The following ACTR3C variants were observed in gnomAD, a reference collection of about 807,000 sequenced individuals.
The protein encoded by ACTR3C is actin-related protein 3C.
A neutral mutation model predicts 26.3 loss-of-function variants in ACTR3C; 18 were observed. The ratio of observed to expected loss-of-function variants is 0.68; its 90% CI spans 0.47 to 1.01. The LOEUF is 1.01. Ranked by LOEUF, ACTR3C falls within the 50% of genes least tolerant of loss-of-function variation. The pLI, the probability that ACTR3C is intolerant of heterozygous loss-of-function variation, is 0.00. For missense variants in ACTR3C, 184 were observed against 250.7 expected (o/e 0.73, Z 1.80); for synonymous variants, 55 against 94.5 (o/e 0.58, Z 2.42).
At position 150,321,696 on chromosome 7, in the gene ACTR3C, C is replaced by T. The variant is rs180691462; in HGVS notation, c.-52+1773G>A. On this transcript the variant is annotated intron_variant, in intron 1 of 7. Transcript: ENST00000683684. ...TGGAGGTTGCAGTGAGCTGAGATCA[C>T]ACCACTGCACTCCAGCCTGGGCAAG... Among the ~76,000 whole-genome samples, 757 of 152,242 alleles carry T rather than the reference C, an allele frequency of 5.0e-3. 18 individuals carry two copies. Among genetic ancestry groups the T allele is most frequent in the Admixed American group, 0.046 (700 of 15,296 alleles).
the ACTR3C span, among the ~76,000 whole-genome samples, chr7:150,219,466 C>T: frequency 1.4e-5 from 2 of 144,686 alleles, no homozygotes; most frequent in East Asian, 3.9e-4. Context: ...CCTATGTAAC[C>T]CGGGTAAGGA....
the ACTR3C span, among the ~76,000 whole-genome samples, chr7:150,018,182 A>T: frequency 6.7e-6 from 1 of 150,110 alleles, no homozygotes; most frequent in Non-Finnish European, 1.5e-5. Context: ...ATCTCAGCTC[A>T]CTGTGGGCAT....
the ACTR3C span, among the ~76,000 whole-genome samples, chr7:150,041,206 C>G: frequency 4.7e-5 from 7 of 150,228 alleles, no homozygotes; most frequent in Non-Finnish European, 1.0e-4. Context: ...TCCGGGTCCC[C>G]GACCCCTTTG....
chr7:150,173,700 C>A, the ACTR3C span, among the ~76,000 whole-genome samples: 2 of 124,342 alleles, frequency 1.6e-5, no homozygotes, highest in Non-Finnish European at 3.2e-5. Flanking sequence ...TGCAAATTTT[C>A]TGAACTTTTA....
At chr7:150,257,177 A>G (rs1012065862) in intron 6 of ACTR3C, among the ~76,000 whole-genome samples, 5 of 152,358 alleles carry the variant, frequency 3.3e-5, no homozygotes, top group African/African-American at 1.2e-4. Flanking sequence ...AAATTATAGC[A>G]TTAAAAAAAG....
the ACTR3C span, among the ~76,000 whole-genome samples, chr7:150,071,054 A>G: frequency 1.3e-5 from 2 of 150,540 alleles, no homozygotes; most frequent in South Asian, 4.2e-4. Flanking sequence ...TCAGCCTCCC[A>G]AAGTGCTGGG....
intron 5 of ACTR3C, among the ~76,000 whole-genome samples, chr7:150,286,013 C>G (rs1201514567): frequency 6.6e-6 from 1 of 152,164 alleles, no homozygotes; most frequent in Non-Finnish European, 1.5e-5. Flanking sequence ...TTATCCCACT[C>G]TTATGCACAG....
chr7:150,199,688 T>TAAAA, the ACTR3C span, among the ~76,000 whole-genome samples: 3 of 36,338 alleles, frequency 8.3e-5, no homozygotes, highest in African/African-American at 8.4e-5. Context: ...ACAAGAAAAG[T>TAAAA]AAAAAAAAAA....
chr7:150,255,389 G>A (rs1052975486), intron 6 of ACTR3C, among the ~76,000 whole-genome samples: 2 of 151,912 alleles, frequency 1.3e-5, no homozygotes, highest in Non-Finnish European at 2.9e-5. Flanking sequence ...TGACTTGAAC[G>A]CTAGTAGGCT....
chr7:149,940,487 C>G, the ACTR3C span, among the ~76,000 whole-genome samples: 4 of 151,706 alleles, frequency 2.6e-5, no homozygotes, highest in African/African-American at 9.7e-5. Flanking sequence ...TGGCAACAGT[C>G]TAAAAGAGAT....
chr7:150,320,352 G>C (rs1396397294), intron 1 of ACTR3C, among the ~76,000 whole-genome samples: 4 of 152,232 alleles, frequency 2.6e-5, no homozygotes, highest in Admixed American at 2.6e-4. Flanking sequence ...TATTACAAAG[G>C]CTTGTGATCG....
chr7:149,989,938 A>G, the ACTR3C span, among the ~76,000 whole-genome samples: 2 of 151,850 alleles, frequency 1.3e-5, no homozygotes, highest in Admixed American at 6.6e-5. Context: ...CCTCGCCAAC[A>G]CTTGTTATGG....
At chr7:149,924,144 G>T in the ACTR3C span, among the ~76,000 whole-genome samples, 18 of 151,208 alleles carry the variant, frequency 1.2e-4, no homozygotes, top group African/African-American at 4.4e-4. Context: ...GAGGGGCCAA[G>T]GTGGGTGGCT....
the ACTR3C span, among the ~76,000 whole-genome samples, chr7:150,063,468 G>T: frequency 1.9e-4 from 29 of 151,338 alleles, 1 homozygote; most frequent in Non-Finnish European, 3.2e-4. Flanking sequence ...GCCTCCCAGG[G>T]TCAAAGCTGG....
the ACTR3C span, among the ~76,000 whole-genome samples, chr7:150,136,421 G>A: frequency 6.6e-6 from 1 of 152,156 alleles, no homozygotes; most frequent in Non-Finnish European, 1.5e-5. Context: ...TGTAATCCCA[G>A]CACTTTGGGA....
chr7:150,040,275 T>A, the ACTR3C span, among the ~76,000 whole-genome samples: 1 of 147,712 alleles, frequency 6.8e-6, no homozygotes, highest in Admixed American at 6.6e-5. Flanking sequence ...GCTACCGGCC[T>A]CAGCCAGGGC....
At chr7:150,205,927 G>C in the ACTR3C span, among the ~76,000 whole-genome samples, 1 of 152,210 alleles carries the variant, frequency 6.6e-6, no homozygotes, top group Admixed American at 6.5e-5. Flanking sequence ...TGGTAATGGG[G>C]AGTGAGAGTA....
At chr7:149,994,129 A>G in the ACTR3C span, among the ~76,000 whole-genome samples, 4 of 152,316 alleles carry the variant, frequency 2.6e-5, no homozygotes, top group South Asian at 2.1e-4. Flanking sequence ...TTTTTGATCA[A>G]TATGAAAGTG....
the ACTR3C span, among the ~76,000 whole-genome samples, chr7:149,933,498 G>A: frequency 6.6e-6 from 1 of 152,074 alleles, no homozygotes; most frequent in South Asian, 2.1e-4. Context: ...TTAAGCCAGC[G>A]AATGAAATTG....
Sources: allele counts gnomAD v4.1 joint callset (sites outside exome capture counted in the v4.1 genomes callset), GRCh38; gene constraint gnomAD v4.1.1; transcripts MANE v1.5; gene names NCBI Gene and HGNC (gene_info 2026-07-23, HGNC 2026-07-21).